ARID1B: variants seen among roughly 807,000 people sequenced by gnomAD.
ARID1B encodes AT-rich interactive domain-containing protein 1B.
In ARID1B, 30 loss-of-function variants were observed where a neutral mutation model predicts 212.3. The observed-to-expected ratio is 0.14, with a 90% CI of 0.11 to 0.19. The LOEUF (loss-of-function observed/expected upper bound fraction) is 0.19. ARID1B is among the 10% of genes least tolerant of loss of function. ARID1B has a pLI of 1.00. For missense variants in ARID1B, 2,891 were observed against 3,204.0 expected, an observed-to-expected ratio of 0.90 and a Z score of 2.36; for synonymous variants, 1,402 against 1,301.7, an observed-to-expected ratio of 1.08 and a Z score of -1.66.
At chr6:157,078,995 G>A (rs553582378) in intron 4 of ARID1B, among the ~76,000 whole-genome samples, 1 of 152,266 alleles carries the variant, frequency 6.6e-6, no homozygotes, top group Non-Finnish European at 1.5e-5. Context: ...CGGATTTTTG[G>A]AGCTTAGAAC....
chr6:156,815,465 C>T (rs1302158583), intron 1 of ARID1B, among the ~76,000 whole-genome samples: 3 of 151,464 alleles, frequency 2.0e-5, no homozygotes, highest in Non-Finnish European at 1.5e-5. Flanking sequence ...TTCCTCCTTT[C>T]TCCCTTTCTC....
chr6:157,022,358 T>C (rs1441252034), intron 4 of ARID1B: 2 of 152,300 alleles, frequency 1.3e-5, no homozygotes, highest in African/African-American at 4.8e-5. Context: ...ACTCACAGCA[T>C]TTTTTAAAAG....
intron 13 of ARID1B, chr6:157,186,055 G>A (rs1792952050): frequency 6.4e-6 from 1 of 157,052 alleles, no homozygotes; most frequent in African/African-American, 2.4e-5. Flanking sequence ...GGGGCGTAGG[G>A]ACCAAAGTGG....
intron 4 of ARID1B, among the ~76,000 whole-genome samples, chr6:157,083,991 A>G (rs911030287): frequency 1.3e-5 from 2 of 151,816 alleles, no homozygotes; most frequent in African/African-American, 4.8e-5. Flanking sequence ...AAAATTAGCC[A>G]GGTGTGGTGG....
intron 4 of ARID1B, among the ~76,000 whole-genome samples, chr6:157,026,247 A>G (rs1780658887): frequency 6.6e-6 from 1 of 152,114 alleles, no homozygotes; most frequent in South Asian, 2.1e-4. Context: ...TTTGACTCCA[A>G]TGTTTTTATC....
At chr6:157,137,636 G>A (rs750977821) in intron 7 of ARID1B, among the ~76,000 whole-genome samples, 2 of 152,022 alleles carry the variant, frequency 1.3e-5, no homozygotes, top group South Asian at 2.1e-4. Context: ...ATAAACACTC[G>A]GGCCTTAGTT....
At chr6:156,897,255 CTTCTTCTTCTTATTA>C (rs1190827378) in intron 2 of ARID1B, among the ~76,000 whole-genome samples, 17 of 90,204 alleles carry the variant, frequency 1.9e-4, no homozygotes, top group East Asian at 1.5e-3. Flanking sequence ...TCTTCTTCTT[CTTCTTCTTCTTATTA>C]TTATTATTAT....
Position 157,094,748 on chromosome 6 carries a change from G to A in ARID1B, c.2491+9843G>A, listed in dbSNP as rs950510417. Among the ~76,000 whole-genome samples, 1 of 152,192 alleles carries A rather than the reference G, an allele frequency of 6.6e-6. No homozygotes were observed. Among genetic ancestry groups the A allele is most frequent in the Non-Finnish European group, 1.5e-5 (1 of 68,036 alleles). ...TTTAGGTTTTAGGAGGCTCACTGTG[G>A]CTGCTAAGTGGACAGTATACTGTAG... On this transcript the variant is annotated intron_variant, in intron 5 of 19. Coordinates refer to ENST00000636930, the MANE Select transcript of ARID1B (RefSeq NM_001374828.1). The surrounding 1 kb of genome is among the most constrained non-coding windows in gnomAD (Gnocchi z 4.3).
intron 4 of ARID1B, among the ~76,000 whole-genome samples, chr6:156,979,825 G>T (rs1349600277): frequency 6.6e-6 from 1 of 152,014 alleles, no homozygotes; most frequent in Admixed American, 6.5e-5. Flanking sequence ...CAAAGTGCTG[G>T]GATTACAGGC....
intron 5 of ARID1B, among the ~76,000 whole-genome samples, chr6:157,087,689 T>C (rs772087151): frequency 2.0e-5 from 3 of 152,178 alleles, no homozygotes; most frequent in Non-Finnish European, 4.4e-5. Flanking sequence ...AGAAGACATG[T>C]ATGTTGTTCC....
At chr6:156,940,257 GA>G (rs1792568309) in intron 4 of ARID1B, 1 of 152,180 alleles carries the variant, frequency 6.6e-6, no homozygotes, top group South Asian at 2.1e-4. Flanking sequence ...GGCTGTTCTA[GA>G]AGGCTCATCA....
rs568925657 is a variant in ARID1B, at chr6:157,190,996, C to T, written c.4231+786C>T. Reference sequence around the variant, plus strand: ...CATGGGCCCGGGGACAGGCTGAGGTCGTTGAGGCCGGCGGGGCCAAAGCCT... The same window carrying T: ...CATGGGCCCGGGGACAGGCTGAGGTTGTTGAGGCCGGCGGGGCCAAAGCCT... On this transcript the variant is annotated intron_variant, in intron 15 of 19. Coordinates refer to ENST00000636930, the MANE Select transcript of ARID1B (RefSeq NM_001374828.1). The surrounding 1 kb of genome is among the most constrained non-coding windows in gnomAD (Gnocchi z 4.6). 3.9e-5 allele frequency among the ~76,000 whole-genome samples: 6 copies of T among 152,058 alleles called. No individual in the cohort carries two copies. The highest frequency in any genetic ancestry group is 1.2e-4 in the African/African-American group (5 of 41,442).
intron 7 of ARID1B, among the ~76,000 whole-genome samples, chr6:157,138,185 T>C (rs1439789230): frequency 6.7e-6 from 1 of 149,248 alleles, no homozygotes; most frequent in East Asian, 1.9e-4. Flanking sequence ...CTCTTCTAAG[T>C]TCAGAACCTC....
intron 4 of ARID1B, among the ~76,000 whole-genome samples, chr6:157,076,255 A>G: frequency 6.6e-6 from 1 of 152,116 alleles, no homozygotes. Context: ...TTTTCATAGT[A>G]GACTCCACAC....
chr6:156,939,495 A>G lies in ARID1B; in HGVS notation c.2247+3919A>G, dbSNP rs529616177. On this transcript the variant is annotated intron_variant, in intron 4 of 19. Coordinates refer to ENST00000636930, the MANE Select transcript of ARID1B (RefSeq NM_001374828.1). ...CTAGAAGCTTTTCATGGTATTTATT[A>G]TGTCCTATTCAGTAAATATTTTCCT... The G allele has an allele frequency of 5.9e-5, 9 of 152,284 alleles. No homozygotes were observed. The South Asian group carries it at 1.9e-3, about 32-fold the overall frequency. 9.4% of individuals were successfully genotyped at this position (152,284 alleles called of 1,614,324 possible).
At position 157,203,010 on chromosome 6, in the gene ARID1B, TTTTGATTTTTTTATTGTAAAAAC is replaced by T. The variant is rs1427407397; in HGVS notation, c.5264-855_5264-833del. 1.3e-5 allele frequency among the ~76,000 whole-genome samples: 2 copies of T among 152,206 alleles called. No individual in the cohort carries two copies. Among genetic ancestry groups the T allele is most frequent in the Admixed American group, 1.3e-4 (2 of 15,286 alleles). ...TTTACATGTTTATTTTTAAAAGTAA[TTTTGATTTTTTTATTGTAAAAAC>T]AGTATGTAGCTATCTTAGAAAATTT... On this transcript the variant is annotated intron_variant, in intron 18 of 19. Coordinates refer to ENST00000636930, the MANE Select transcript of ARID1B (RefSeq NM_001374828.1). This position sits in a 1 kb window ranked among gnomAD's most constrained non-coding sequence, Gnocchi z 4.4.
chr6:156,977,502 A>G (rs999567108), intron 4 of ARID1B, among the ~76,000 whole-genome samples: 2 of 152,074 alleles, frequency 1.3e-5, no homozygotes, highest in Admixed American at 6.5e-5. Context: ...TAGAAGTTCA[A>G]TTTGGGTTAT....
At chr6:156,918,875 T>G (rs1260877773) in intron 3 of ARID1B, among the ~76,000 whole-genome samples, 1 of 152,172 alleles carries the variant, frequency 6.6e-6, no homozygotes, top group Non-Finnish European at 1.5e-5. Flanking sequence ...GTGACCTTCC[T>G]CTCTCTGTTC....
rs1441455233 is a variant in ARID1B at position 157,201,222 on chromosome 6, C to T, written c.4997C>T (p.Pro1666Leu). 6.2e-7 allele frequency: 1 copy of T among 1,613,932 alleles called. No individual in the cohort carries two copies. The highest frequency in any genetic ancestry group is 2.2e-5 in the East Asian group (1 of 44,864). Residue 1666 changes from proline (P) to leucine (L), a missense_variant, in exon 18 of 20, where the codon CCA (proline) becomes CTA (leucine). By Grantham distance (98) the Pro-to-Leu change is moderately conservative (BLOSUM62 -3). Coordinates refer to ENST00000636930, the MANE Select transcript of ARID1B (RefSeq NM_001374828.1). The surrounding 1 kb of genome is among the most constrained non-coding windows in gnomAD (Gnocchi z 5.2). ...CCACCACAGCCGTCCTACCAGACGCCACCGTCACTGCCAAATCACATCTCC... is the reference window on the plus strand; with the variant it reads ...CCACCACAGCCGTCCTACCAGACGCTACCGTCACTGCCAAATCACATCTCC... ...TRPPQPSYQT[P>L]PSLPNHISRA...
Sources: gnomAD v4.1 joint callset for allele counts (sites outside exome capture counted in the v4.1 genomes callset) on GRCh38, gnomAD v4.1.1 for gene constraint, Gnocchi (gnomAD v3.1) non-coding constraint, MANE v1.5 for transcripts, NCBI Gene and HGNC (gene_info 2026-07-23, HGNC 2026-07-21) for gene names.